TRIM36: variants seen among roughly 807,000 people sequenced by gnomAD.
TRIM36 encodes tripartite motif containing 36, also known as E3 ubiquitin-protein ligase TRIM36.
Under a neutral mutation model 72.4 loss-of-function variants are expected in TRIM36, and 42 were observed. That is an observed-to-expected ratio of 0.58 (90% confidence interval 0.45 to 0.75). The LOEUF is 0.75. TRIM36 is among the 30% of genes least tolerant of loss of function. The pLI, the probability that TRIM36 is intolerant of heterozygous loss-of-function variation, is 0.00. For missense variants in TRIM36, 913 were observed against 857.1 expected (o/e 1.07, Z -0.81); for synonymous variants, 315 against 282.8 (o/e 1.11, Z -1.14).
At chr5:115,169,140 C>G (rs1211082149) in intron 1 of TRIM36, 3 of 158,194 alleles carry the variant, frequency 1.9e-5, no homozygotes, top group East Asian at 3.7e-4. Context: ...GGCCCGCCCC[C>G]CGCGGGCAGG....
chr5:115,177,493 A>C, intron 1 of TRIM36: 68 of 1,260,066 alleles, frequency 5.4e-5, no homozygotes, highest in Non-Finnish European at 6.0e-5. Context: ...TACAAAGTGG[A>C]ACCGAACCCC....
chr5:115,159,398 A>G (rs887833338), intron 2 of TRIM36, among the ~76,000 whole-genome samples: 1 of 152,246 alleles, frequency 6.6e-6, no homozygotes, highest in Non-Finnish European at 1.5e-5. Flanking sequence ...TTCTTCAAAA[A>G]TATCTTGTCA....
chr5:115,151,838 A>AC (rs1753911927), intron 2 of TRIM36, among the ~76,000 whole-genome samples: 1 of 152,168 alleles, frequency 6.6e-6, no homozygotes. Flanking sequence ...GGGGAAGAGT[A>AC]CCACATCAAA....
chr5:115,163,478 TA>T (rs1754593792), intron 2 of TRIM36, 39 bp downstream of exon 2: 5 of 1,542,164 alleles, frequency 3.2e-6, no homozygotes, highest in Non-Finnish European at 4.5e-6. Flanking sequence ...TCTATAAGCT[TA>T]CCCCCACTAC....
At chr5:115,173,719 T>A (rs1404522509), upstream of TRIM36, among the ~76,000 whole-genome samples, 1 of 152,224 alleles carries the variant, frequency 6.6e-6, no homozygotes, top group Non-Finnish European at 1.5e-5. Context: ...ATTATTCCCC[T>A]ATTTTACATT....
At chr5:115,156,143 A>G (rs1373230757) in intron 2 of TRIM36, among the ~76,000 whole-genome samples, 1 of 152,152 alleles carries the variant, frequency 6.6e-6, no homozygotes, top group African/African-American at 2.4e-5. Flanking sequence ...ACTACAAAAC[A>G]CTGCTGAAAG....
At chr5:115,160,201 C>A (rs1019031433) in intron 2 of TRIM36, among the ~76,000 whole-genome samples, 1 of 151,636 alleles carries the variant, frequency 6.6e-6, no homozygotes, top group Non-Finnish European at 1.5e-5. Flanking sequence ...TTCAAGGTAC[C>A]CTTTAAAAAA....
At chr5:115,159,661 C>T (rs1444340790) in intron 2 of TRIM36, 4 of 454,218 alleles carry the variant, frequency 8.8e-6, no homozygotes, top group East Asian at 7.0e-5. Context: ...CACAGATCTC[C>T]GTTGTGATGC....
chr5:115,169,809 A>T lies in TRIM36; in HGVS notation c.-175T>A. 7.6e-7 allele frequency: 1 copy of T among 1,317,304 alleles called. No individual in the cohort carries two copies. The highest frequency in any genetic ancestry group is 9.7e-7 in the Non-Finnish European group (1 of 1,027,886). 81.6% of individuals were successfully genotyped at this position (1,317,304 alleles called of 1,614,324 possible). ...GACGCGGGGAGAAGTAAGCCGGGGC[A>T]GGCAAAAGCACAGGCGCGGGAGAAG... On this transcript the variant is annotated 5_prime_UTR_variant, in exon 1 of 10. Coordinates refer to ENST00000513154, the MANE Select transcript of TRIM36 (RefSeq NM_001300759.2).
chr5:115,147,392 A>T lies in TRIM36; in HGVS notation c.265T>A (p.Trp89Arg). 6.2e-7 allele frequency: 1 copy of T among 1,608,668 alleles called. No homozygotes were observed. The highest frequency in any genetic ancestry group is 8.5e-7 in the Non-Finnish European group (1 of 1,175,314). The stretch of plus-strand genomic sequence containing the variant: ...CTCGGGGTCAATGAATTGCGCTTCC[A>T]GCCTGTGTAATTAGTAAGTCTTTGT... ...DKIDRINRPG[W>R]KRNSLTPRTT... is the part of the protein sequence containing the mutation. Residue 89 changes from tryptophan (W) to arginine (R), a missense_variant and splice_region_variant, in exon 3 of 10, where the codon TGG becomes AGG. Trp to Arg is a moderately radical substitution (Grantham distance 101, BLOSUM62 -3). Coordinates refer to ENST00000513154, the MANE Select transcript of TRIM36 (RefSeq NM_001300759.2).
intron 2 of TRIM36, chr5:115,159,752 G>GT (rs1754377184): frequency 1.2e-5 from 5 of 426,976 alleles, no homozygotes; most frequent in South Asian, 8.5e-5. Context: ...AGAGAAAGCG[G>GT]TAACTGTGTC....
intron 1 of TRIM36, 35 bp from the exon 2 acceptor site, chr5:115,163,787 A>C: frequency 6.5e-7 from 1 of 1,532,932 alleles, no homozygotes; most frequent in Non-Finnish European, 9.0e-7. Flanking sequence ...AAAGGCTCTT[A>C]GTGGGTAAAT....
At chr5:115,132,666 A>G (rs1396528266) in intron 8 of TRIM36, among the ~76,000 whole-genome samples, 2 of 151,934 alleles carry the variant, frequency 1.3e-5, no homozygotes, top group African/African-American at 4.8e-5. Context: ...CTTGCTCTCA[A>G]TCTCAAAAGT....
rs774031442 is a variant in TRIM36 at position 115,126,675 on chromosome 5, C to G, written c.1979G>C (p.Cys660Ser). The G allele has an allele frequency of 3.7e-6, 6 of 1,614,160 alleles. No homozygotes were observed. In the East Asian group the frequency reaches 8.9e-5, roughly 24 times the overall value. ...MPTSIGIFLDCDKGKVDFYDM... is the reference protein window; with the variant it reads ...MPTSIGIFLDSDKGKVDFYDM... ...ATAGAAATCTACTTTGCCTTTATCA[C>G]AGTCAAGGAAAATCCCAATACTTGT... Residue 660 changes from cysteine to serine, a missense_variant, in exon 10 of 10, where the codon TGT becomes TCT. By Grantham distance (112) the Cys-to-Ser change is moderately radical. Transcript: ENST00000513154.
upstream of TRIM36, among the ~76,000 whole-genome samples, chr5:115,173,625 G>A (rs1167386585): frequency 6.6e-6 from 1 of 152,050 alleles, no homozygotes; most frequent in Non-Finnish European, 1.5e-5. Flanking sequence ...AGTATGGAAG[G>A]CCTCTATGCT....
At chr5:115,145,060 G>T (rs114059591) in intron 3 of TRIM36, among the ~76,000 whole-genome samples, 15 of 152,040 alleles carry the variant, frequency 9.9e-5, no homozygotes, top group African/African-American at 3.4e-4. Flanking sequence ...ATTCCTATCA[G>T]ATTCAAATGG....
upstream of TRIM36, among the ~76,000 whole-genome samples, chr5:115,173,121 A>G (rs1009163803): frequency 6.6e-6 from 1 of 152,184 alleles, no homozygotes; most frequent in Non-Finnish European, 1.5e-5. Context: ...CAAGTCATCA[A>G]CTTCTCTGTT....
At chr5:115,132,215 T>C (rs111625757) in intron 8 of TRIM36, among the ~76,000 whole-genome samples, 1 of 150,686 alleles carries the variant, frequency 6.6e-6, no homozygotes, top group Admixed American at 6.6e-5. Flanking sequence ...TATATATATA[T>C]ATACATATAT....
In TRIM36 at chr5:115,126,179, C is replaced by T. The variant is rs1752351718; in HGVS notation, c.*324G>A. ...ATCATAATAAATACTTTTGTATCCC[C>T]CCCACCATAAGGAAAGTGTCAGCAA... On this transcript the variant is annotated 3_prime_UTR_variant, in exon 10 of 10. Transcript: ENST00000513154. 1 of 237,054 alleles carries T rather than the reference C, an allele frequency of 4.2e-6. No homozygotes were observed. The highest frequency in any genetic ancestry group is 2.3e-5 in the African/African-American group (1 of 44,384). The allele number at this position is 237,054 out of a possible 1,614,324, so 14.7% of individuals were successfully genotyped here.
Sources: gnomAD v4.1 joint callset for allele counts (sites outside exome capture counted in the v4.1 genomes callset) on GRCh38, gnomAD v4.1.1 for gene constraint, MANE v1.5 for transcripts, NCBI Gene and HGNC (gene_info 2026-07-23, HGNC 2026-07-21) for gene names.